The following MPI variants were observed in gnomAD, a reference collection of about 807,000 sequenced individuals.
The protein encoded by MPI is mannose-6-phosphate isomerase.
A neutral mutation model predicts 40.1 loss-of-function variants in MPI; 33 were observed. The observed-to-expected ratio is 0.82, with a 90% confidence interval of 0.62 to 1.10. The LOEUF is 1.10. MPI is among the 50% of genes least tolerant of loss of function. The pLI is 0.00. For synonymous variants in MPI, 187 were observed against 207.4 expected, an observed-to-expected ratio of 0.90 and a Z score of 0.85; for missense variants, 514 against 524.1, an observed-to-expected ratio of 0.98 and a Z score of 0.19.
chr15:74,896,838 C>T, intron 6 of MPI, 173 bp from the exon 7 acceptor site: 1 of 701,338 alleles, frequency 1.4e-6, no homozygotes, highest in South Asian at 1.6e-5. Context: ...TAATGGGTGA[C>T]CTGTCACCTG....
rs1413178554 is a variant in MPI at position 74,897,022 on chromosome 15, T to C, written c.856T>C (p.Cys286Arg). 2 of 1,613,864 alleles carry C rather than the reference T, an allele frequency of 1.2e-6. No individual in the cohort carries two copies. Among genetic ancestry groups the C allele is most frequent in the Non-Finnish European group, 1.7e-6 (2 of 1,179,972 alleles). The change falls in exon 7 of 8, where the codon TGC becomes CGC. Residue 286 changes from cysteine to arginine, a missense_variant. Coordinates refer to ENST00000352410, the MANE Select transcript of MPI (RefSeq NM_002435.3). ...HAYLKGDCVE[C>R]MACSDNTVRA... ...GACTGTCTCTCCAGACTGCGTGGAG[T>C]GCATGGCGTGTTCAGACAACACAGT...
rs751743381 is a variant in MPI, at chr15:74,891,552, CCT to C, written c.319_320del (p.Leu107ValfsTer7). 1.9e-6 allele frequency: 3 copies of C among 1,614,216 alleles called. No homozygotes were observed. Among genetic ancestry groups the C allele is most frequent in the Non-Finnish European group, 2.5e-6 (3 of 1,180,042 alleles). ...LFKVLSVETP[L>X]SIQAHPNKEL... ...TCAAAGTGCTCTCAGTTGAAACACC[CCT>C]GTCCATCCAGGCACACCCTAACAAG... On this transcript the variant is annotated frameshift_variant, in exon 3 of 8. Transcript: ENST00000352410. LOFTEE classifies it high-confidence loss of function.
intron 5 of MPI, 196 bp downstream of exon 5, chr15:74,893,516 C>A: frequency 1.5e-6 from 1 of 677,884 alleles, no homozygotes; most frequent in Non-Finnish European, 2.7e-6. Context: ...TTGAGTGCTG[C>A]TTCCCAACTG....
chr15:74,892,561 A>C (rs1391751659), intron 3 of MPI, 100 bp from the exon 4 acceptor site: 4 of 1,538,262 alleles, frequency 2.6e-6, no homozygotes, highest in Admixed American at 3.4e-5. Context: ...GCCATCCTGC[A>C]ACTGGGGAGG....
chr15:74,890,118 T>C, intron 1 of MPI, 29 bp downstream of exon 1: 3 of 1,606,870 alleles, frequency 1.9e-6, no homozygotes, highest in Non-Finnish European at 2.5e-6. Flanking sequence ...TGTCGGCGAG[T>C]GTGTTCGTGG....
At chr15:74,896,908 T>C (rs2064826544) in intron 6 of MPI, 103 bp from the exon 7 acceptor site, 1 of 1,069,340 alleles carries the variant, frequency 9.4e-7, no homozygotes. Context: ...TGGAAATTTT[T>C]ACCTAACTTG....
At chr15:74,895,590 CAAA>C (rs55671836) in intron 5 of MPI, 3 of 146,722 alleles carry the variant, frequency 2.0e-5, no homozygotes, top group Admixed American at 6.6e-5. Flanking sequence ...GACCCCGTCT[CAAA>C]AAAAAAAAAG....
At position 74,898,141 on chromosome 15, in the gene MPI, AGAG is replaced by A. The variant is rs2064851882; in HGVS notation, c.*417_*419del. The A allele has an allele frequency of 2.8e-6, 1 of 350,912 alleles. No individual in the cohort carries two copies. The highest frequency in any genetic ancestry group is 3.8e-5 in the Admixed American group (1 of 26,400). The allele number at this position is 350,912 out of a possible 1,614,324, so 21.7% of individuals were successfully genotyped here. ...TGGGACTGCCCATTTCCTCAGCTGC[AGAG>A]GAGGAAAGGGAAAGGGTAGGCCTGT... On this transcript the variant is annotated 3_prime_UTR_variant, in exon 8 of 8. Transcript: ENST00000352410.
At chr15:74,897,481 C>T (rs1287773814) in intron 7 of MPI, 31 bp from the exon 8 acceptor site, 1 of 1,600,700 alleles carries the variant, frequency 6.2e-7, no homozygotes, top group Non-Finnish European at 8.6e-7. Context: ...AGAGTCTGAG[C>T]TGCACTGCCT....
Position 74,897,192 on chromosome 15 carries a change from A to G in MPI, c.1026A>G (p.Val342=). 1 of 1,614,180 alleles carries G rather than the reference A, an allele frequency of 6.2e-7. No individual in the cohort carries two copies. Among genetic ancestry groups the G allele is most frequent in the Non-Finnish European group, 8.5e-7 (1 of 1,180,028 alleles). Residue 342 remains valine (V), a synonymous_variant, in exon 7 of 8, where the codon GTA becomes GTG. Transcript: ENST00000352410. ...ACCTCTCAATCTATGACCCCCCTGTACCAGACTTCACCATTATGAAGACGG... is the reference window on the plus strand; with the variant it reads ...ACCTCTCAATCTATGACCCCCCTGTGCCAGACTTCACCATTATGAAGACGG... ...DPYLSIYDPP[V]PDFTIMKTEV... is the part of the protein sequence containing the mutation.
intron 2 of MPI, 142 bp from the exon 3 acceptor site, chr15:74,891,237 A>G (rs1342714826): frequency 5.1e-6 from 4 of 782,362 alleles, no homozygotes; most frequent in East Asian, 2.5e-5. Context: ...CCATGATGGC[A>G]TGAACATTTG....
Position 74,896,548 on chromosome 15 carries a change from T to A in MPI, c.844+223T>A, listed in dbSNP as rs150459016. 2.4e-3 allele frequency: 1,627 copies of A among 683,400 alleles called. 14 individuals carry two copies. Among genetic ancestry groups the A allele is most frequent in the East Asian group, 0.021 (778 of 37,090 alleles). The allele number at this position is 683,400 out of a possible 1,614,324, so 42.3% of individuals were successfully genotyped here. A position where few individuals can be genotyped will look rare whatever the true frequency, so the allele number is the denominator to read the frequency against. ...TGACACCAACCCTGTGATGCCATGCTACTCTGATTTTAAGTCCTGCCAGTC... is the reference window on the plus strand; with the variant it reads ...TGACACCAACCCTGTGATGCCATGCAACTCTGATTTTAAGTCCTGCCAGTC... On this transcript the variant is annotated intron_variant, in intron 6 of 7. Transcript: ENST00000352410.
At position 74,891,545 on chromosome 15, in the gene MPI, A is replaced by T; in HGVS notation, c.311A>T (p.Glu104Val). 6.2e-7 allele frequency: 1 copy of T among 1,614,192 alleles called. No individual in the cohort carries two copies. The change falls in exon 3 of 8, where the codon GAA becomes GTA. Residue 104 changes from glutamate to valine, a missense_variant. Transcript: ENST00000352410. ...TTCCTCTTCAAAGTGCTCTCAGTTGAAACACCCCTGTCCATCCAGGCACAC... is the reference window on the plus strand; with the variant it reads ...TTCCTCTTCAAAGTGCTCTCAGTTGTAACACCCCTGTCCATCCAGGCACAC... ...LPFLFKVLSV[E>V]TPLSIQAHPN...
At chr15:74,896,450 G>C in intron 6 of MPI, 125 bp downstream of exon 6, 2 of 1,097,002 alleles carry the variant, frequency 1.8e-6, no homozygotes, top group Non-Finnish European at 2.7e-6. Flanking sequence ...TGACCTCTGA[G>C]GGTTCCTGGG....
chr15:74,894,771 A>T (rs1056851239), intron 5 of MPI, among the ~76,000 whole-genome samples: 2 of 150,416 alleles, frequency 1.3e-5, no homozygotes, highest in Non-Finnish European at 3.0e-5. Context: ...TGGGAGACAG[A>T]GCAAGACTCC....
chr15:74,897,773 T>C lies in MPI; in HGVS notation c.*43T>C. ...GCTCTCCTCTGCCAGCCACCCTAAA[T>C]TCCAGCCAACCTCACCTCCTCGGGC... On this transcript the variant is annotated 3_prime_UTR_variant, in exon 8 of 8. Coordinates refer to ENST00000352410, the MANE Select transcript of MPI (RefSeq NM_002435.3). The C allele has an allele frequency of 6.3e-7, 1 of 1,595,304 alleles. No homozygotes were observed. The highest frequency in any genetic ancestry group is 2.2e-5 in the East Asian group (1 of 44,764).
At chr15:74,890,679 C>T in intron 2 of MPI, 25 bp downstream of exon 2, 2 of 1,611,914 alleles carry the variant, frequency 1.2e-6, no homozygotes, top group Non-Finnish European at 1.7e-6. Flanking sequence ...GTATTTCAGC[C>T]CACTTTACCC....
intron 2 of MPI, chr15:74,891,111 T>C: frequency 3.4e-6 from 2 of 595,892 alleles, no homozygotes; most frequent in East Asian, 6.7e-5. Context: ...GTCATTCTCC[T>C]CTTTGGACAG....
At position 74,894,103 on chromosome 15, in the gene MPI, TG is replaced by T. The variant is rs1567267297; in HGVS notation, c.670+784del. Reference sequence around the variant, plus strand: ...GTGTGTGTGTGTGTGTGTGTGTGTGTGTGTGGTCTCTTTCTGTTGCCCCAGG... The same window carrying T: ...GTGTGTGTGTGTGTGTGTGTGTGTGTTGTGGTCTCTTTCTGTTGCCCCAGG... On this transcript the variant is annotated intron_variant, in intron 5 of 7. Transcript: ENST00000352410. Among the ~76,000 whole-genome samples the T allele has an allele frequency of 4.4e-3, 100 of 22,644 alleles. 8 individuals carry two copies. In the East Asian group the frequency reaches 0.048, roughly 11 times the overall value. The allele number at this position is 22,644 out of a possible 152,430, so 14.9% of individuals were successfully genotyped here.
Sources: allele counts gnomAD v4.1 joint callset (sites outside exome capture counted in the v4.1 genomes callset), GRCh38; gene constraint gnomAD v4.1.1; transcripts MANE v1.5; gene names NCBI Gene and HGNC (gene_info 2026-07-23, HGNC 2026-07-21).